MCU: variants seen among roughly 807,000 people sequenced by gnomAD.
The protein encoded by MCU is mitochondrial calcium uniporter.
A neutral mutation model predicts 45.2 loss-of-function variants in MCU; 12 were observed. The observed-to-expected ratio is 0.27, with a 90% CI of 0.17 to 0.43. MCU has a LOEUF of 0.43. Ranked by LOEUF, MCU falls within the 20% of genes least tolerant of loss-of-function variation. MCU has a pLI of 1.00. For synonymous variants in MCU, 160 were observed against 165.1 expected (o/e 0.97, Z 0.24); for missense variants, 324 against 436.7 (o/e 0.74, Z 2.30).
chr10:72,706,726 G>A (rs946435543), intron 1 of MCU, among the ~76,000 whole-genome samples: 1 of 151,506 alleles, frequency 6.6e-6, no homozygotes, highest in Non-Finnish European at 1.5e-5. Context: ...TAGTAGAGAC[G>A]GGGTTTCACC....
intron 1 of MCU, among the ~76,000 whole-genome samples, chr10:72,737,121 C>T (rs574477640): frequency 7.9e-5 from 12 of 152,268 alleles, no homozygotes; most frequent in African/African-American, 2.6e-4. Context: ...CTCTAAACTT[C>T]AGTTTGATAC....
intron 1 of MCU, among the ~76,000 whole-genome samples, chr10:72,771,102 G>A (rs1160888677): frequency 1.3e-5 from 2 of 152,202 alleles, no homozygotes; most frequent in Non-Finnish European, 2.9e-5. Context: ...AGAACATGCA[G>A]GTTTGTTACA....
At chr10:72,871,614 T>C in intron 6 of MCU, 34 bp downstream of exon 6, 1 of 1,559,346 alleles carries the variant, frequency 6.4e-7, no homozygotes, top group Non-Finnish European at 8.8e-7. Flanking sequence ...TTTTATGAGA[T>C]AGTAATAAAG....
intron 1 of MCU, among the ~76,000 whole-genome samples, chr10:72,700,911 A>G (rs764512479): frequency 2.6e-5 from 4 of 152,168 alleles, no homozygotes; most frequent in Non-Finnish European, 5.9e-5. Context: ...TGTAATAATC[A>G]TCAGAAAACT....
chr10:72,860,061 A>T (rs1845353160), intron 3 of MCU: 1 of 193,628 alleles, frequency 5.2e-6, no homozygotes, highest in African/African-American at 2.3e-5. Context: ...ACTATACTGA[A>T]AAGTACCATA....
At chr10:72,705,921 T>C (rs1842813954) in intron 1 of MCU, among the ~76,000 whole-genome samples, 1 of 152,036 alleles carries the variant, frequency 6.6e-6, no homozygotes. Flanking sequence ...AGGCAGAGGT[T>C]GCAGTGAGCC....
chr10:72,783,784 A>C (rs967668628), intron 1 of MCU, among the ~76,000 whole-genome samples: 3 of 152,182 alleles, frequency 2.0e-5, no homozygotes, highest in Non-Finnish European at 4.4e-5. Context: ...ACCTAAAATC[A>C]AATGCCTATA....
At chr10:72,804,858 A>G (rs929995423) in intron 1 of MCU, among the ~76,000 whole-genome samples, 3 of 152,160 alleles carry the variant, frequency 2.0e-5, no homozygotes, top group Non-Finnish European at 4.4e-5. Flanking sequence ...TGCAGCCTCA[A>G]TCTCCCAGGC....
intron 1 of MCU, among the ~76,000 whole-genome samples, chr10:72,820,315 C>G (rs1005756774): frequency 4.6e-5 from 7 of 152,134 alleles, no homozygotes; most frequent in African/African-American, 1.7e-4. Context: ...TTCTCCTATT[C>G]TCATACTCAT....
At chr10:72,785,116 G>C (rs996008183) in intron 1 of MCU, among the ~76,000 whole-genome samples, 2 of 152,146 alleles carry the variant, frequency 1.3e-5, no homozygotes, top group Admixed American at 6.5e-5. Flanking sequence ...GATGTAGCAC[G>C]AGAATCTCCC....
intron 1 of MCU, among the ~76,000 whole-genome samples, chr10:72,775,080 C>T (rs1477396454): frequency 6.6e-6 from 1 of 151,980 alleles, no homozygotes; most frequent in Non-Finnish European, 1.5e-5. Context: ...CACCCAAATG[C>T]TGCAGAATAC....
intron 2 of MCU, among the ~76,000 whole-genome samples, chr10:72,849,919 T>C (rs1017762953): frequency 8.6e-5 from 13 of 151,246 alleles, no homozygotes; most frequent in African/African-American, 2.9e-4. Flanking sequence ...CTTTTTCTTT[T>C]TTTTTTTTTT....
chr10:72,793,655 T>C (rs1369658024), intron 1 of MCU, among the ~76,000 whole-genome samples: 1 of 152,092 alleles, frequency 6.6e-6, no homozygotes, highest in African/African-American at 2.4e-5. Flanking sequence ...CACACAGATC[T>C]AACCGAGGCT....
Position 72,859,225 on chromosome 10 carries a change from T to C in MCU, c.269T>C (p.Leu90Pro). ...GGGTTACCTGTGATATCTGTGAGGC[T>C]ACCATCCCGGCGTGAACGCTGTCAG... Reference protein sequence around the residue: ...QNGLPVISVRLPSRRERCQFT... With the variant: ...QNGLPVISVRPPSRRERCQFT... The change falls in exon 3 of 8, where the codon CTA becomes CCA. Residue 90 changes from leucine to proline, a missense_variant. Leu to Pro is a moderately conservative substitution (Grantham distance 98, BLOSUM62 -3). This residue lies in a region of MCU where 135 missense variants were observed against 207.3 expected (regional missense o/e 0.65). Transcript: ENST00000373053. 6.2e-7 allele frequency: 1 copy of C among 1,612,368 alleles called. No homozygotes were observed. Among genetic ancestry groups the C allele is most frequent in the African/African-American group, 1.3e-5 (1 of 74,998 alleles).
chr10:72,722,523 T>TTC (rs1411540857), intron 1 of MCU, among the ~76,000 whole-genome samples: 2 of 130,482 alleles, frequency 1.5e-5, no homozygotes, highest in African/African-American at 7.6e-5. Flanking sequence ...CTTTCTTTCT[T>TTC]TTTTTTTTTT....
chr10:72,718,664 T>G (rs191631993), intron 1 of MCU, among the ~76,000 whole-genome samples: 80 of 152,340 alleles, frequency 5.3e-4, no homozygotes, highest in Non-Finnish European at 9.4e-4. Context: ...TATGTGTCTA[T>G]CTATATTCAC....
intron 1 of MCU, among the ~76,000 whole-genome samples, chr10:72,705,919 G>T (rs1037575536): frequency 3.9e-5 from 6 of 152,058 alleles, no homozygotes; most frequent in Non-Finnish European, 8.8e-5. Flanking sequence ...GGAGGCAGAG[G>T]TTGCAGTGAG....
At chr10:72,706,444 C>G (rs1446744103) in intron 1 of MCU, among the ~76,000 whole-genome samples, 1 of 152,086 alleles carries the variant, frequency 6.6e-6, no homozygotes, top group Non-Finnish European at 1.5e-5. Flanking sequence ...CTTTAGACAA[C>G]ACACATTCTT....
intron 6 of MCU, among the ~76,000 whole-genome samples, chr10:72,880,407 A>C (rs1845682256): frequency 6.6e-6 from 1 of 152,216 alleles, no homozygotes; most frequent in African/African-American, 2.4e-5. Context: ...AATGGTTAGA[A>C]AATGAAAATA....
Sources: gnomAD v4.1 joint callset for allele counts (sites outside exome capture counted in the v4.1 genomes callset) on GRCh38, gnomAD v4.1.1 for gene constraint, gnomAD v4.1.1 regional missense constraint, MANE v1.5 for transcripts, NCBI Gene and HGNC (gene_info 2026-07-23, HGNC 2026-07-21) for gene names.